NLGN1: variants seen among roughly 807,000 people sequenced by gnomAD.
NLGN1 encodes the protein neuroligin 1.
A neutral mutation model predicts 65.5 loss-of-function variants in NLGN1; 12 were observed. That is an observed-to-expected ratio of 0.18 (90% CI 0.12 to 0.30). The LOEUF (loss-of-function observed/expected upper bound fraction) is 0.30. Among genes scored for constraint, NLGN1 ranks in the 10% least tolerant of loss-of-function variants. The probability of loss-of-function intolerance (pLI) is 1.00; values close to 1 mark genes in which losing one functional copy is unlikely to be tolerated. For synonymous variants in NLGN1, 350 were observed against 359.5 expected (o/e 0.97, Z 0.30); for missense variants, 750 against 1,007.1 (o/e 0.74, Z 3.46).
At chr3:173,869,680 G>T (rs900685101) in intron 4 of NLGN1, among the ~76,000 whole-genome samples, 3 of 152,100 alleles carry the variant, frequency 2.0e-5, no homozygotes, top group Non-Finnish European at 4.4e-5. Flanking sequence ...TGTAGAAAAA[G>T]AAATTATCAC....
At chr3:174,211,375 A>G (rs1736477698) in intron 4 of NLGN1, among the ~76,000 whole-genome samples, 1 of 152,110 alleles carries the variant, frequency 6.6e-6, no homozygotes, top group African/African-American at 2.4e-5. Context: ...AAGGTTCTCC[A>G]GGTCCCCATC....
chr3:174,012,158 G>C (rs1475571728), intron 4 of NLGN1, among the ~76,000 whole-genome samples: 2 of 152,142 alleles, frequency 1.3e-5, no homozygotes, highest in Non-Finnish European at 2.9e-5. Flanking sequence ...TGCAACTGCA[G>C]TTGTACTTGG....
chr3:173,946,547 G>A (rs1747188563), intron 4 of NLGN1, among the ~76,000 whole-genome samples: 1 of 152,066 alleles, frequency 6.6e-6, no homozygotes, highest in Admixed American at 6.5e-5. Flanking sequence ...AGTTTTTGCT[G>A]TTCATAAATT....
intron 4 of NLGN1, among the ~76,000 whole-genome samples, chr3:174,074,182 G>C (rs1740447602): frequency 6.6e-6 from 1 of 152,088 alleles, no homozygotes; most frequent in African/African-American, 2.4e-5. Flanking sequence ...GGAGAATTGA[G>C]GATGTAAATA....
chr3:173,876,559 G>T (rs754379351), intron 4 of NLGN1, among the ~76,000 whole-genome samples: 9 of 152,180 alleles, frequency 5.9e-5, no homozygotes, highest in Non-Finnish European at 8.8e-5. Flanking sequence ...AAATAGTGTG[G>T]TTTTAAAAGC....
chr3:173,997,050 A>C (rs1304228371), intron 4 of NLGN1, among the ~76,000 whole-genome samples: 1 of 152,090 alleles, frequency 6.6e-6, no homozygotes, highest in African/African-American at 2.4e-5. Flanking sequence ...CTTTTTTTTA[A>C]TATTAAATAG....
At chr3:173,835,930 C>T (rs1054714100) in intron 4 of NLGN1, among the ~76,000 whole-genome samples, 1 of 152,216 alleles carries the variant, frequency 6.6e-6, no homozygotes, top group Non-Finnish European at 1.5e-5. Flanking sequence ...ATTCCTATTT[C>T]CCTTGATCCT....
chr3:174,054,535 C>A (rs1695140198), intron 4 of NLGN1, among the ~76,000 whole-genome samples: 1 of 151,960 alleles, frequency 6.6e-6, no homozygotes, highest in African/African-American at 2.4e-5. Flanking sequence ...TCCCTCCTCC[C>A]TAAGCTTTAG....
intron 4 of NLGN1, among the ~76,000 whole-genome samples, chr3:174,044,980 C>A (rs1733232109): frequency 1.3e-5 from 2 of 152,050 alleles, no homozygotes; most frequent in African/African-American, 4.8e-5. Flanking sequence ...TTTCCTGAGG[C>A]CTCCCCAGCC....
At chr3:174,116,368 C>T (rs1411475131) in intron 4 of NLGN1, among the ~76,000 whole-genome samples, 1 of 119,752 alleles carries the variant, frequency 8.4e-6, no homozygotes, top group Non-Finnish European at 1.6e-5. Flanking sequence ...GAGACAGTCT[C>T]GCTCTATAGC....
chr3:173,515,256 A>G (rs1378535527), intron 2 of NLGN1, among the ~76,000 whole-genome samples: 1 of 152,114 alleles, frequency 6.6e-6, no homozygotes, highest in Non-Finnish European at 1.5e-5. Flanking sequence ...TATTAGTGAT[A>G]TTGAGCATCT....
At chr3:174,231,154 A>G (rs549191658) in intron 4 of NLGN1, among the ~76,000 whole-genome samples, 17 of 152,176 alleles carry the variant, frequency 1.1e-4, no homozygotes, top group Non-Finnish European at 2.2e-4. Flanking sequence ...TCACCGTCAT[A>G]ATTTTCTCAG....
chr3:174,091,955 A>G (rs1576825789), intron 4 of NLGN1, among the ~76,000 whole-genome samples: 1 of 152,298 alleles, frequency 6.6e-6, no homozygotes, highest in South Asian at 2.1e-4. Context: ...GAAGTTTTGG[A>G]GTAAATGAAT....
At chr3:173,753,823 A>T (rs1039463732) in intron 3 of NLGN1, among the ~76,000 whole-genome samples, 1 of 151,720 alleles carries the variant, frequency 6.6e-6, no homozygotes, top group Middle Eastern at 3.2e-3. Flanking sequence ...TTCTTCAGCC[A>T]CATTAGTCAC....
chr3:173,541,567 T>C (rs1214053027), intron 2 of NLGN1, among the ~76,000 whole-genome samples: 1 of 152,104 alleles, frequency 6.6e-6, no homozygotes, highest in Non-Finnish European at 1.5e-5. Flanking sequence ...GTTGATGAAA[T>C]GAAGACAGTG....
chr3:174,037,567 T>C (rs950607544), intron 4 of NLGN1, among the ~76,000 whole-genome samples: 1 of 152,166 alleles, frequency 6.6e-6, no homozygotes, highest in African/African-American at 2.4e-5. Flanking sequence ...TATATTTACA[T>C]AGTGCCATCA....
At chr3:173,771,372 C>T (rs1779548319) in intron 3 of NLGN1, among the ~76,000 whole-genome samples, 1 of 152,018 alleles carries the variant, frequency 6.6e-6, no homozygotes, top group Non-Finnish European at 1.5e-5. Context: ...CAATCTTATG[C>T]CATCATTTAA....
intron 3 of NLGN1, among the ~76,000 whole-genome samples, chr3:173,669,490 C>A (rs1408562275): frequency 6.6e-6 from 1 of 152,168 alleles, no homozygotes; most frequent in Non-Finnish European, 1.5e-5. Flanking sequence ...AACACTCTCC[C>A]TGTGTGCATG....
chr3:173,832,297 T>C (rs1323347851), intron 4 of NLGN1, among the ~76,000 whole-genome samples: 1 of 152,210 alleles, frequency 6.6e-6, no homozygotes, highest in Non-Finnish European at 1.5e-5. Context: ...TTATTTCTCC[T>C]GACCAATGAA....
Sources: gnomAD v4.1 joint callset for allele counts (sites outside exome capture counted in the v4.1 genomes callset) on GRCh38, gnomAD v4.1.1 for gene constraint, MANE v1.5 for transcripts, NCBI Gene and HGNC (gene_info 2026-07-23, HGNC 2026-07-21) for gene names.